The following GRID2 variants were observed in gnomAD, a reference collection of about 807,000 sequenced individuals.
The protein encoded by GRID2 is glutamate receptor ionotropic, delta-2.
Under a neutral mutation model 114.8 loss-of-function variants are expected in GRID2, and 33 were observed. The ratio of observed to expected loss-of-function variants is 0.29; its 90% CI spans 0.22 to 0.38. The LOEUF is 0.38. GRID2 is among the 10% of genes least tolerant of loss of function. The pLI is 1.00. For missense variants in GRID2, 1,184 were observed against 1,257.7 expected (o/e 0.94, Z 0.89); for synonymous variants, 505 against 449.9 (o/e 1.12, Z -1.55).
At chr4:92,937,799 A>G (rs1190149351) in intron 2 of GRID2, among the ~76,000 whole-genome samples, 3 of 146,680 alleles carry the variant, frequency 2.0e-5, no homozygotes, top group Non-Finnish European at 4.5e-5. Context: ...TGCTTTTGGT[A>G]GTATTTTCAT....
At chr4:92,855,444 A>G (rs1384833958) in intron 2 of GRID2, among the ~76,000 whole-genome samples, 2 of 152,028 alleles carry the variant, frequency 1.3e-5, no homozygotes, top group African/African-American at 4.8e-5. Context: ...AATAGATTCA[A>G]TCACTTTAGA....
intron 1 of GRID2, among the ~76,000 whole-genome samples, chr4:92,451,595 CATAAT>C (rs1720928744): frequency 2.0e-5 from 3 of 152,006 alleles, no homozygotes; most frequent in South Asian, 2.1e-4. Context: ...TTGATAAACT[CATAAT>C]AGAAGTAGAA....
chr4:93,079,753 T>G (rs1729685393), intron 2 of GRID2, among the ~76,000 whole-genome samples: 1 of 152,114 alleles, frequency 6.6e-6, no homozygotes, highest in Admixed American at 6.6e-5. Flanking sequence ...TGTTTAATTC[T>G]TCTCAGGTTT....
chr4:93,213,942 G>GA (rs1445562716), intron 5 of GRID2, among the ~76,000 whole-genome samples: 2 of 151,762 alleles, frequency 1.3e-5, no homozygotes, highest in African/African-American at 4.8e-5. Flanking sequence ...TTATTTTTGG[G>GA]AAAAAAGGCT....
intron 4 of GRID2, among the ~76,000 whole-genome samples, chr4:93,204,453 C>A (rs2149465138): frequency 6.6e-6 from 1 of 152,158 alleles, no homozygotes; most frequent in African/African-American, 2.4e-5. Flanking sequence ...TTGCTTGTAA[C>A]AAATTTATAC....
intron 2 of GRID2, among the ~76,000 whole-genome samples, chr4:92,665,565 A>G (rs1334356606): frequency 3.3e-5 from 5 of 151,078 alleles, no homozygotes; most frequent in African/African-American, 1.2e-4. Flanking sequence ...AGCATCCTTC[A>G]TTTTAAACTG....
At chr4:93,043,705 T>C (rs1578834274) in intron 2 of GRID2, among the ~76,000 whole-genome samples, 2 of 148,592 alleles carry the variant, frequency 1.3e-5, no homozygotes, top group South Asian at 4.2e-4. Flanking sequence ...ATGCAAGAGA[T>C]AGAACAATGA....
rs185925677 is a variant in GRID2, at chr4:93,048,514, A to G, written c.245-36481A>G. Among the ~76,000 whole-genome samples, 229 of 152,106 alleles carry G rather than the reference A, an allele frequency of 1.5e-3. 1 individual carries two copies. The highest frequency in any genetic ancestry group is 5.4e-3 in the African/African-American group (226 of 41,516). The stretch of plus-strand genomic sequence containing the variant: ...CAAATCACTGACTTCTGAAAATCAC[A>G]GTTATTTGACCTAATGCTTAAAAGT... On this transcript the variant is annotated intron_variant, in intron 2 of 15. Transcript: ENST00000282020.
At chr4:93,680,945 GAAGGAA>G (rs1482930397) in intron 14 of GRID2, among the ~76,000 whole-genome samples, 3 of 151,364 alleles carry the variant, frequency 2.0e-5, no homozygotes, top group Non-Finnish European at 4.4e-5. Flanking sequence ...TTAGGCAGGA[GAAGGAA>G]ATATAAGGTA....
chr4:93,598,062 A>C (rs1048977954), intron 13 of GRID2, among the ~76,000 whole-genome samples: 8 of 152,180 alleles, frequency 5.3e-5, no homozygotes, highest in African/African-American at 1.9e-4. Context: ...ATGGACTATC[A>C]TATACTCTAT....
At chr4:93,154,600 T>A (rs1196916451) in intron 4 of GRID2, among the ~76,000 whole-genome samples, 2 of 152,020 alleles carry the variant, frequency 1.3e-5, no homozygotes, top group African/African-American at 4.8e-5. Context: ...CATAATTTTT[T>A]ATATAATAAT....
At chr4:93,114,755 G>C (rs1275356369) in intron 4 of GRID2, among the ~76,000 whole-genome samples, 1 of 152,124 alleles carries the variant, frequency 6.6e-6, no homozygotes, top group Non-Finnish European at 1.5e-5. Context: ...GCTGGGAGCA[G>C]TTCATTCAAA....
chr4:92,966,227 C>G (rs1156473725), intron 2 of GRID2, among the ~76,000 whole-genome samples: 1 of 151,816 alleles, frequency 6.6e-6, no homozygotes, highest in East Asian at 1.9e-4. Context: ...ACTGAAACAT[C>G]AAGTCATGAC....
intron 14 of GRID2, among the ~76,000 whole-genome samples, chr4:93,741,201 G>GTA (rs1188641160): frequency 0.02 from 1,048 of 53,700 alleles, 22 homozygotes; most frequent in Non-Finnish European, 0.025. Flanking sequence ...ATATATATAT[G>GTA]TATATATATA....
chr4:92,900,658 A>G lies in GRID2; in HGVS notation c.245-184337A>G, dbSNP rs183852304. Reference sequence around the variant, plus strand: ...ATCCTGGCTAACACGGTGAAACCCTATCTCTACTAAAAATACAAAAAACAA... The same window carrying G: ...ATCCTGGCTAACACGGTGAAACCCTGTCTCTACTAAAAATACAAAAAACAA... On this transcript the variant is annotated intron_variant, in intron 2 of 15. Coordinates refer to ENST00000282020, the MANE Select transcript of GRID2 (RefSeq NM_001510.4). Among the ~76,000 whole-genome samples the G allele has an allele frequency of 1.1e-4, 17 of 152,084 alleles. No homozygotes were observed. The East Asian group carries it at 3.3e-3, about 30-fold the overall frequency.
intron 8 of GRID2, among the ~76,000 whole-genome samples, chr4:93,338,331 C>T (rs2099382): frequency 0.04 from 6,157 of 152,048 alleles, 174 homozygotes; most frequent in Middle Eastern, 0.078. Context: ...CCCTTATATG[C>T]GGTGCAGGAT....
At chr4:93,358,797 A>G (rs2149271480) in intron 8 of GRID2, among the ~76,000 whole-genome samples, 1 of 152,230 alleles carries the variant, frequency 6.6e-6, no homozygotes, top group Non-Finnish European at 1.5e-5. Flanking sequence ...GTAATACTGA[A>G]TTAAGTCTGC....
chr4:93,025,739 G>A (rs1723825516), intron 2 of GRID2, among the ~76,000 whole-genome samples: 2 of 151,792 alleles, frequency 1.3e-5, no homozygotes, highest in East Asian at 1.9e-4. Flanking sequence ...ATTTTCACTT[G>A]GTAACTGGCT....
intron 1 of GRID2, among the ~76,000 whole-genome samples, chr4:93,788,735 C>CAACTT (rs1476324887): frequency 6.6e-6 from 1 of 152,166 alleles, no homozygotes; most frequent in Non-Finnish European, 1.5e-5. Flanking sequence ...ATAACTATCA[C>CAACTT]AACTTAACCT....
Sources: gnomAD v4.1 joint callset for allele counts (sites outside exome capture counted in the v4.1 genomes callset) on GRCh38, gnomAD v4.1.1 for gene constraint, MANE v1.5 for transcripts, NCBI Gene and HGNC (gene_info 2026-07-23, HGNC 2026-07-21) for gene names.